TENM2: variants seen among roughly 807,000 people sequenced by gnomAD.
The protein encoded by TENM2 is teneurin-2.
In TENM2, 52 loss-of-function variants were observed where a neutral mutation model predicts 245.2. The observed-to-expected ratio is 0.21, with a 90% CI of 0.17 to 0.27. The LOEUF is 0.27. Among genes scored for constraint, TENM2 ranks in the 10% least tolerant of loss-of-function variants. TENM2 has a pLI of 1.00. For synonymous variants in TENM2, 1,363 were observed against 1,438.9 expected, an observed-to-expected ratio of 0.95 and a Z score of 1.19; for missense variants, 3,046 against 3,666.8, an observed-to-expected ratio of 0.83 and a Z score of 4.37.
chr5:166,998,743 A>G, the TENM2 span, among the ~76,000 whole-genome samples: 551 of 152,332 alleles, frequency 3.6e-3, 1 homozygote, highest in Middle Eastern at 0.02. Flanking sequence ...AAATACATGA[A>G]CAGTTAGAGA....
At chr5:168,146,873 G>A (rs763448339) in intron 12 of TENM2, among the ~76,000 whole-genome samples, 11 of 152,218 alleles carry the variant, frequency 7.2e-5, no homozygotes, top group Non-Finnish European at 1.3e-4. Context: ...CCAGGTAGTT[G>A]CAATGGGGTT....
intron 4 of TENM2, among the ~76,000 whole-genome samples, chr5:167,960,755 A>G (rs528740754): frequency 3.9e-5 from 6 of 151,942 alleles, no homozygotes; most frequent in African/African-American, 1.4e-4. Context: ...TAATAAAAAA[A>G]CTCCTGCAGC....
At chr5:168,222,825 T>C (rs11744728) in intron 23 of TENM2, among the ~76,000 whole-genome samples, 2 of 152,222 alleles carry the variant, frequency 1.3e-5, no homozygotes, top group Non-Finnish European at 2.9e-5. Flanking sequence ...AGTTTTGCCC[T>C]CTTCAGCTAG....
intron 26 of TENM2, 61 bp from the exon 29 acceptor site, chr5:168,246,696 G>A: frequency 6.6e-7 from 1 of 1,505,692 alleles, no homozygotes; most frequent in Non-Finnish European, 9.1e-7. Context: ...AATTCTGTCT[G>A]TTTGAATGCT....
intron 3 of TENM2, among the ~76,000 whole-genome samples, chr5:167,923,071 C>A (rs1777492298): frequency 6.6e-6 from 1 of 152,168 alleles, no homozygotes; most frequent in Non-Finnish European, 1.5e-5. Flanking sequence ...TGTCTGTAAT[C>A]CCAGCACTTT....
intron 1 of TENM2, among the ~76,000 whole-genome samples, chr5:167,337,977 C>T (rs1221249351): frequency 6.6e-6 from 1 of 152,068 alleles, no homozygotes; most frequent in Non-Finnish European, 1.5e-5. Flanking sequence ...CCAAAATTAT[C>T]TTGGATCTGG....
intron 2 of TENM2, among the ~76,000 whole-genome samples, chr5:167,610,924 C>T (rs577888340): frequency 1.3e-3 from 200 of 152,250 alleles, no homozygotes; most frequent in Middle Eastern, 6.8e-3. Flanking sequence ...TAAGTGCATT[C>T]ATTCGTCAAA....
At chr5:168,222,685 C>T (rs1419692415) in intron 23 of TENM2, among the ~76,000 whole-genome samples, 4 of 152,178 alleles carry the variant, frequency 2.6e-5, no homozygotes, top group African/African-American at 9.7e-5. Flanking sequence ...CTGAAAAGAA[C>T]AGTACTGTCC....
intron 23 of TENM2, among the ~76,000 whole-genome samples, chr5:168,223,083 C>G (rs902273983): frequency 3.3e-5 from 5 of 152,218 alleles, no homozygotes; most frequent in Admixed American, 2.0e-4. Flanking sequence ...TGAAGACGTT[C>G]CTTGGGGGAA....
At chr5:167,343,992 ATT>A (rs898635201) in intron 1 of TENM2, among the ~76,000 whole-genome samples, 1 of 151,746 alleles carries the variant, frequency 6.6e-6, no homozygotes, top group African/African-American at 2.4e-5. Context: ...ATTTGTCTTA[ATT>A]TTGAATAAAA....
chr5:167,748,133 G>T (rs1382607580), intron 2 of TENM2, among the ~76,000 whole-genome samples: 1 of 152,032 alleles, frequency 6.6e-6, no homozygotes, highest in Non-Finnish European at 1.5e-5. Flanking sequence ...TCAATTGCCT[G>T]TAGTCATTAA....
chr5:167,590,442 T>A (rs1775801611), intron 2 of TENM2, among the ~76,000 whole-genome samples: 1 of 152,160 alleles, frequency 6.6e-6, no homozygotes, highest in Admixed American at 6.5e-5. Flanking sequence ...TGTATGTGTG[T>A]GTGTGACATG....
the TENM2 span, among the ~76,000 whole-genome samples, chr5:167,195,024 G>A: frequency 2.6e-5 from 4 of 151,916 alleles, no homozygotes; most frequent in African/African-American, 9.7e-5. Flanking sequence ...TAGCTAGTCC[G>A]TGTGGGTTTA....
At chr5:167,841,342 C>A (rs1269069729) in intron 2 of TENM2, among the ~76,000 whole-genome samples, 1 of 152,198 alleles carries the variant, frequency 6.6e-6, no homozygotes, top group East Asian at 1.9e-4. Context: ...CAGGCATGAG[C>A]TACCACACCC....
chr5:167,684,509 C>T (rs932504073), intron 2 of TENM2, among the ~76,000 whole-genome samples: 2 of 152,170 alleles, frequency 1.3e-5, no homozygotes, highest in Non-Finnish European at 2.9e-5. Flanking sequence ...CTTGTGCTCT[C>T]AGATAGAGCT....
At position 168,072,588 on chromosome 5, in the gene TENM2, G is replaced by C. The variant is rs185650314; in HGVS notation, c.1515+10323G>C. On this transcript the variant is annotated intron_variant, in intron 7 of 28. Coordinates refer to ENST00000518659, the Ensembl canonical transcript of TENM2. ...CAACATCAAGTAGGGAGGGTCGTGA[G>C]ATGCAGTCCAGAGTGGAGGATAAGA... is the stretch of plus-strand genomic sequence containing the variant. 3.3e-3 allele frequency among the ~76,000 whole-genome samples: 503 copies of C among 152,284 alleles called. 6 individuals are homozygous for C. Among genetic ancestry groups the C allele is most frequent in the African/African-American group, 0.012 (478 of 41,556 alleles).
At chr5:167,089,527 A>G in the TENM2 span, among the ~76,000 whole-genome samples, 3 of 152,202 alleles carry the variant, frequency 2.0e-5, no homozygotes, top group Non-Finnish European at 4.4e-5. Context: ...AAGAATTAAC[A>G]TGGATTGTAA....
chr5:167,442,701 A>T (rs1764940090), intron 2 of TENM2, among the ~76,000 whole-genome samples: 2 of 152,176 alleles, frequency 1.3e-5, no homozygotes, highest in Admixed American at 1.3e-4. Context: ...AGAGCTTAAA[A>T]TTTATTAGAG....
At chr5:167,804,233 A>G (rs1360570254) in intron 2 of TENM2, among the ~76,000 whole-genome samples, 2 of 152,080 alleles carry the variant, frequency 1.3e-5, no homozygotes, top group African/African-American at 4.8e-5. Flanking sequence ...AATGTATTTA[A>G]ATTTATTTTT....
Sources: allele counts gnomAD v4.1 joint callset (sites outside exome capture counted in the v4.1 genomes callset), GRCh38; gene constraint gnomAD v4.1.1; transcripts MANE v1.5; gene names NCBI Gene and HGNC (gene_info 2026-07-23, HGNC 2026-07-21).